The following GABBR2 variants were observed in gnomAD, a reference collection of about 807,000 sequenced individuals.
The protein encoded by GABBR2 is G-protein coupled receptor 51.
In GABBR2, 23 loss-of-function variants were observed where a neutral mutation model predicts 105.6. The ratio of observed to expected loss-of-function variants is 0.22; its 90% confidence interval spans 0.16 to 0.31. The LOEUF (loss-of-function observed/expected upper bound fraction) is 0.31. GABBR2 is among the 10% of genes least tolerant of loss of function. The pLI, the probability that GABBR2 is intolerant of heterozygous loss-of-function variation, is 1.00. For synonymous variants in GABBR2, 478 were observed against 499.7 expected (o/e 0.96, Z 0.58); for missense variants, 734 against 1,245.5 (o/e 0.59, Z 6.18).
chr9:98,560,465 GCA>G (rs753117164), intron 2 of GABBR2, among the ~76,000 whole-genome samples: 81 of 141,842 alleles, frequency 5.7e-4, no homozygotes, highest in African/African-American at 1.1e-3. Flanking sequence ...ATATATACAT[GCA>G]CACACACACA....
intron 6 of GABBR2, among the ~76,000 whole-genome samples, chr9:98,467,123 C>T (rs141948404): frequency 2.6e-5 from 4 of 152,214 alleles, no homozygotes; most frequent in African/African-American, 9.7e-5. Flanking sequence ...CCGGCCATAT[C>T]TAGCATGGAA....
intron 13 of GABBR2, among the ~76,000 whole-genome samples, chr9:98,344,348 C>T (rs1352090916): frequency 6.6e-6 from 1 of 152,154 alleles, no homozygotes; most frequent in Non-Finnish European, 1.5e-5. Context: ...TCCAAGAATA[C>T]AAATCATATT....
intron 6 of GABBR2, among the ~76,000 whole-genome samples, chr9:98,457,101 C>T (rs567445524): frequency 6.6e-6 from 1 of 152,290 alleles, no homozygotes; most frequent in African/African-American, 2.4e-5. Flanking sequence ...TACTTGGATG[C>T]GTGTTTCTTT....
At chr9:98,532,276 T>C (rs1828081257) in intron 3 of GABBR2, among the ~76,000 whole-genome samples, 1 of 152,240 alleles carries the variant, frequency 6.6e-6, no homozygotes, top group South Asian at 2.1e-4. Context: ...CTTTTCCTGC[T>C]GGCTGACCCA....
At chr9:98,411,081 A>C (rs1588146443) in intron 7 of GABBR2, among the ~76,000 whole-genome samples, 2 of 152,166 alleles carry the variant, frequency 1.3e-5, no homozygotes, top group East Asian at 3.9e-4. Flanking sequence ...AAGAATGACC[A>C]CAGAGCAGAT....
At chr9:98,463,553 G>C (rs1363712796) in intron 6 of GABBR2, among the ~76,000 whole-genome samples, 1 of 149,972 alleles carries the variant, frequency 6.7e-6, no homozygotes, top group Non-Finnish European at 1.5e-5. Flanking sequence ...AAAAGAAAAA[G>C]ATAAAGTTTA....
intron 7 of GABBR2, among the ~76,000 whole-genome samples, chr9:98,419,213 G>C (rs971718429): frequency 7.2e-5 from 11 of 152,208 alleles, no homozygotes; most frequent in African/African-American, 2.7e-4. Flanking sequence ...AAATAGGAAA[G>C]GAAAAATGGA....
At chr9:98,408,142 C>G (rs550418469) in intron 7 of GABBR2, among the ~76,000 whole-genome samples, 1 of 152,246 alleles carries the variant, frequency 6.6e-6, no homozygotes, top group South Asian at 2.1e-4. Context: ...ATGTTAAGCA[C>G]CAGAGAGCTT....
chr9:98,540,434 C>T (rs777272538), intron 3 of GABBR2, among the ~76,000 whole-genome samples: 3 of 152,200 alleles, frequency 2.0e-5, no homozygotes, highest in South Asian at 2.1e-4. Flanking sequence ...AGCAAGGTAA[C>T]GTCTCCAAGG....
At chr9:98,524,389 T>C (rs370037735) in intron 3 of GABBR2, among the ~76,000 whole-genome samples, 1 of 152,034 alleles carries the variant, frequency 6.6e-6, no homozygotes, top group African/African-American at 2.4e-5. Flanking sequence ...CAGAAAAAAA[T>C]AGATGAATTG....
At chr9:98,504,004 T>G (rs2131682961) in intron 3 of GABBR2, among the ~76,000 whole-genome samples, 1 of 152,272 alleles carries the variant, frequency 6.6e-6, no homozygotes, top group African/African-American at 2.4e-5. Context: ...AGCTTACAGC[T>G]GGGTTGCCAG....
intron 3 of GABBR2, among the ~76,000 whole-genome samples, chr9:98,540,230 A>G (rs1398110935): frequency 1.3e-5 from 2 of 152,176 alleles, no homozygotes; most frequent in Non-Finnish European, 2.9e-5. Context: ...CCTTGTTTGG[A>G]TACCCACAGA....
intron 1 of GABBR2, among the ~76,000 whole-genome samples, chr9:98,682,725 G>A (rs1391203131): frequency 1.3e-5 from 2 of 151,916 alleles, no homozygotes; most frequent in East Asian, 3.9e-4. Flanking sequence ...AAATCAGCAA[G>A]AAAGAGCTAC....
At chr9:98,502,361 C>A (rs888402077) in intron 3 of GABBR2, among the ~76,000 whole-genome samples, 2 of 152,216 alleles carry the variant, frequency 1.3e-5, no homozygotes, top group African/African-American at 4.8e-5. Flanking sequence ...TGCAAGGCCT[C>A]CTCCCTGCTC....
rs1168149953 is a variant in GABBR2 at position 98,288,636 on chromosome 9, A to G, written c.*1948T>C. 1.3e-5 allele frequency: 2 copies of G among 152,662 alleles called. No homozygotes were observed. The highest frequency in any genetic ancestry group is 2.9e-5 in the Non-Finnish European group (2 of 68,048). The allele number at this position is 152,662 out of a possible 1,614,324, so 9.5% of individuals were successfully genotyped here. On this transcript the variant is annotated 3_prime_UTR_variant, in exon 19 of 19. Transcript: ENST00000259455. ...TTAAATTAAATTTGGTTTTGGTGAA[A>G]TCAAGAAAGCAAGTAAATACTGGTA... is the stretch of plus-strand genomic sequence containing the variant.
chr9:98,395,993 A>G (rs916966752), intron 8 of GABBR2, among the ~76,000 whole-genome samples: 2 of 152,168 alleles, frequency 1.3e-5, no homozygotes, highest in African/African-American at 4.8e-5. Context: ...CTTAAAGACA[A>G]GGAGACGGAG....
chr9:98,660,866 T>TG (rs777708759), intron 1 of GABBR2, among the ~76,000 whole-genome samples: 1 of 152,244 alleles, frequency 6.6e-6, no homozygotes, highest in African/African-American at 2.4e-5. Context: ...TGTGATTACC[T>TG]GGGGCCTACC....
intron 13 of GABBR2, among the ~76,000 whole-genome samples, chr9:98,320,665 C>T (rs1830804043): frequency 6.6e-6 from 1 of 151,980 alleles, no homozygotes; most frequent in Non-Finnish European, 1.5e-5. Flanking sequence ...ATGATGAGTT[C>T]ATGTCCTTTG....
At chr9:98,417,913 G>A (rs1832716122) in intron 7 of GABBR2, among the ~76,000 whole-genome samples, 1 of 152,146 alleles carries the variant, frequency 6.6e-6, no homozygotes, top group African/African-American at 2.4e-5. Context: ...AGAGGGAACA[G>A]TGCATGCAAA....
Sources: allele counts gnomAD v4.1 joint callset (sites outside exome capture counted in the v4.1 genomes callset), GRCh38; gene constraint gnomAD v4.1.1; transcripts MANE v1.5; gene names NCBI Gene and HGNC (gene_info 2026-07-23, HGNC 2026-07-21).